The following PCDHA11 variants were observed in gnomAD, a reference collection of about 807,000 sequenced individuals.
PCDHA11 encodes protocadherin alpha-11.
A neutral mutation model predicts 70.3 loss-of-function variants in PCDHA11; 61 were observed. The observed-to-expected ratio is 0.87, with a 90% CI of 0.71 to 1.07. The LOEUF (loss-of-function observed/expected upper bound fraction) is 1.07, where lower values mean the gene tolerates loss of function less well. PCDHA11 is among the 50% of genes least tolerant of loss of function. PCDHA11 has a pLI of 0.00. For synonymous variants in PCDHA11, 633 were observed against 555.1 expected, an observed-to-expected ratio of 1.14 and a Z score of -1.97; for missense variants, 1,324 against 1,237.5, an observed-to-expected ratio of 1.07 and a Z score of -1.05.
At chr5:140,965,911 G>C (rs1476309026) in intron 1 of PCDHA11, among the ~76,000 whole-genome samples, 1 of 152,206 alleles carries the variant, frequency 6.6e-6, no homozygotes, top group African/African-American at 2.4e-5. Context: ...CCAGGATGCT[G>C]GTTTTAGGCT....
intron 1 of PCDHA11, among the ~76,000 whole-genome samples, chr5:140,908,289 G>A (rs1031565997): frequency 2.6e-5 from 4 of 152,184 alleles, no homozygotes; most frequent in Non-Finnish European, 4.4e-5. Flanking sequence ...GTTGCAAGCT[G>A]GGGAAGAGAA....
At chr5:140,928,115 T>A (rs2084949063) in intron 1 of PCDHA11, 1 of 1,614,164 alleles carries the variant, frequency 6.2e-7, no homozygotes, top group East Asian at 2.2e-5. Flanking sequence ...CGGGAGCAGA[T>A]CAGTGAATAC....
chr5:140,882,930 A>C, intron 1 of PCDHA11: 8 of 1,614,214 alleles, frequency 5.0e-6, no homozygotes, highest in Non-Finnish European at 6.8e-6. Context: ...GGTAAACCCG[A>C]GCTGACTGGC....
chr5:140,928,802 TG>T, intron 1 of PCDHA11: 1 of 1,614,142 alleles, frequency 6.2e-7, no homozygotes, highest in South Asian at 1.1e-5. Context: ...GTGGTGGTAG[TG>T]GTTCGGGACC....
chr5:140,916,367 C>G (rs1400347792), intron 1 of PCDHA11, among the ~76,000 whole-genome samples: 1 of 152,196 alleles, frequency 6.6e-6, no homozygotes, highest in Non-Finnish European at 1.5e-5. Flanking sequence ...GAGTCTTTCA[C>G]TGTAGCCACC....
At chr5:140,977,599 AC>A (rs782213571) in intron 1 of PCDHA11, among the ~76,000 whole-genome samples, 1 of 152,150 alleles carries the variant, frequency 6.6e-6, no homozygotes, top group Non-Finnish European at 1.5e-5. Context: ...GCATGTGAGG[AC>A]CATTGAGGTA....
At chr5:140,877,810 C>A (rs782370638) in intron 1 of PCDHA11, 9 of 1,610,248 alleles carry the variant, frequency 5.6e-6, no homozygotes, top group Non-Finnish European at 6.8e-6. Flanking sequence ...TCAGCTGTCT[C>A]GAGAAGATTG....
intron 3 of PCDHA11, among the ~76,000 whole-genome samples, chr5:141,001,942 TAAG>T (rs140166770): frequency 0.017 from 2,515 of 151,936 alleles, 63 homozygotes; most frequent in African/African-American, 0.058. Context: ...TGAGCGGAAA[TAAG>T]GAGGAGGGAG....
In PCDHA11 at chr5:141,010,527, G is replaced by T; in HGVS notation, c.*590G>T. On this transcript the variant is annotated 3_prime_UTR_variant, in exon 4 of 4. Transcript: ENST00000398640. ...AAATCTTACAACTCAAGAGGTGGCA[G>T]CCACCCTCTAGGAGACAAAACTACC... The T allele has an allele frequency of 2.3e-6, 1 of 431,062 alleles. No homozygotes were observed. Among genetic ancestry groups the T allele is most frequent in the African/African-American group, 2.0e-5 (1 of 49,970 alleles). 26.7% of individuals were successfully genotyped at this position (431,062 alleles called of 1,614,324 possible).
intron 1 of PCDHA11, among the ~76,000 whole-genome samples, chr5:140,898,932 A>G (rs1330684874): frequency 6.6e-6 from 1 of 151,964 alleles, no homozygotes; most frequent in Admixed American, 6.6e-5. Flanking sequence ...ATTCCTAAGT[A>G]TTTTATTCTC....
intron 1 of PCDHA11, among the ~76,000 whole-genome samples, chr5:140,910,545 A>T (rs551984797): frequency 1.3e-5 from 2 of 152,316 alleles, no homozygotes; most frequent in East Asian, 1.9e-4. Context: ...TCTATTTTGC[A>T]AAGTATTAGT....
intron 1 of PCDHA11, chr5:140,875,618 C>T (rs1554167806): frequency 3.1e-6 from 5 of 1,613,806 alleles, no homozygotes; most frequent in Non-Finnish European, 3.4e-6. Context: ...GGCCGCATCG[C>T]TCAGGACCTG....
chr5:140,998,569 GT>G (rs71574497), intron 3 of PCDHA11, among the ~76,000 whole-genome samples: 30,440 of 149,318 alleles, frequency 0.2, 3,131 homozygotes, highest in Middle Eastern at 0.33. Flanking sequence ...TTGTAAATAA[GT>G]TTTTTTTTTT....
intron 1 of PCDHA11, among the ~76,000 whole-genome samples, chr5:140,931,204 A>G (rs782790968): frequency 7.2e-5 from 11 of 152,176 alleles, no homozygotes; most frequent in Non-Finnish European, 1.5e-4. Context: ...CAATGCTAGT[A>G]TTTCAGGTAT....
intron 1 of PCDHA11, among the ~76,000 whole-genome samples, chr5:140,935,413 T>C (rs1011900671): frequency 1.3e-5 from 2 of 152,246 alleles, no homozygotes; most frequent in Non-Finnish European, 2.9e-5. Flanking sequence ...ACAATGGACT[T>C]AGAAAACAAT....
At chr5:140,927,281 A>G (rs1554204297) in intron 1 of PCDHA11, 1 of 1,614,172 alleles carries the variant, frequency 6.2e-7, no homozygotes, top group Non-Finnish European at 8.5e-7. Flanking sequence ...GGCGACGTGC[A>G]GCTGCACATC....
rs1032045343 is a variant in PCDHA11 at position 140,949,549 on chromosome 5, G to A, written c.2392-29400G>A. On this transcript the variant is annotated intron_variant, in intron 1 of 3. Transcript: ENST00000398640. Reference sequence around the variant, plus strand: ...CTTCATAAAATATCGATTTGTTGCTGGTCATACTTTTTTTCTTGTAGTAGC... The same window carrying A: ...CTTCATAAAATATCGATTTGTTGCTAGTCATACTTTTTTTCTTGTAGTAGC... Among the ~76,000 whole-genome samples the A allele has an allele frequency of 2.0e-5, 3 of 151,684 alleles. No homozygotes were observed. In the South Asian group the frequency reaches 6.2e-4, roughly 31 times the overall value.
At chr5:140,944,596 G>A (rs2093672992) in intron 1 of PCDHA11, among the ~76,000 whole-genome samples, 1 of 152,138 alleles carries the variant, frequency 6.6e-6, no homozygotes, top group Admixed American at 6.5e-5. Context: ...ATTTCCCTGG[G>A]TAGAGTAGTG....
In PCDHA11 at chr5:140,870,890, T is replaced by C; in HGVS notation, c.1787T>C (p.Val596Ala). 6.2e-7 allele frequency: 1 copy of C among 1,613,954 alleles called. No individual in the cohort carries two copies. Among genetic ancestry groups the C allele is most frequent in the Non-Finnish European group, 8.5e-7 (1 of 1,179,908 alleles). The change falls in exon 1 of 4, where the codon GTG (valine) becomes GCG (alanine). Residue 596 changes from valine to alanine, a missense_variant. Physicochemically the swap from Val to Ala is moderately conservative, Grantham distance 64 (BLOSUM62 0). Coordinates refer to ENST00000398640, the MANE Select transcript of PCDHA11 (RefSeq NM_018902.5). Reference protein sequence around the residue: ...AGHVVAKVRAVDADSGYNAWL... With the variant: ...AGHVVAKVRAADADSGYNAWL... Reference sequence around the variant, plus strand: ...CACGTGGTGGCGAAGGTGCGCGCAGTGGATGCGGACTCAGGCTACAACGCG... The same window carrying C: ...CACGTGGTGGCGAAGGTGCGCGCAGCGGATGCGGACTCAGGCTACAACGCG...
Sources: gnomAD v4.1 joint callset for allele counts (sites outside exome capture counted in the v4.1 genomes callset) on GRCh38, gnomAD v4.1.1 for gene constraint, MANE v1.5 for transcripts, NCBI Gene and HGNC (gene_info 2026-07-23, HGNC 2026-07-21) for gene names.